TCAIM: variants seen among roughly 807,000 people sequenced by gnomAD.
TCAIM encodes T-cell activation inhibitor, mitochondrial.
Under a neutral mutation model 58.6 loss-of-function variants are expected in TCAIM, and 36 were observed. The ratio of observed to expected loss-of-function variants is 0.61; its 90% CI spans 0.47 to 0.81. The LOEUF (loss-of-function observed/expected upper bound fraction) is 0.81. Ranked by LOEUF, TCAIM falls within the 30% of genes least tolerant of loss-of-function variation. The pLI, the probability that TCAIM is intolerant of heterozygous loss-of-function variation, is 0.00. For missense variants in TCAIM, 466 were observed against 579.6 expected (o/e 0.80, Z 2.01); for synonymous variants, 172 against 193.6 (o/e 0.89, Z 0.93).
At chr3:44,383,092 A>C (rs950450768) in intron 5 of TCAIM, among the ~76,000 whole-genome samples, 1 of 152,164 alleles carries the variant, frequency 6.6e-6, no homozygotes, top group Non-Finnish European at 1.5e-5. Context: ...AAATAACAAG[A>C]GTTGATGAGG....
intron 10 of TCAIM, among the ~76,000 whole-genome samples, chr3:44,402,134 G>GT (rs1399931275): frequency 2.0e-5 from 3 of 152,172 alleles, no homozygotes; most frequent in South Asian, 2.1e-4. Context: ...GCCGTGCACA[G>GT]TGGCTCAAGC....
At chr3:44,356,667 A>C (rs2125632018) in intron 2 of TCAIM, among the ~76,000 whole-genome samples, 1 of 152,178 alleles carries the variant, frequency 6.6e-6, no homozygotes, top group Non-Finnish European at 1.5e-5. Flanking sequence ...TACAAAACTT[A>C]AGAATGAGAA....
intron 4 of TCAIM, among the ~76,000 whole-genome samples, chr3:44,366,762 G>A (rs897251835): frequency 2.0e-5 from 3 of 151,248 alleles, no homozygotes; most frequent in Admixed American, 2.0e-4. Flanking sequence ...CACCGCGCCC[G>A]GCCTAATTTT....
At chr3:44,399,506 A>C (rs1354212146) in intron 8 of TCAIM, among the ~76,000 whole-genome samples, 1 of 152,160 alleles carries the variant, frequency 6.6e-6, no homozygotes, top group Non-Finnish European at 1.5e-5. Context: ...TTAAGTCCTT[A>C]GTGGTCCTTC....
At position 44,394,419 on chromosome 3, in the gene TCAIM, G is replaced by T. The variant is rs181656953; in HGVS notation, c.695+1442G>T. ...AAAAATAGTAAGATCATTTTTAAAA[G>T]TTTATAAGATAAATTAAGGTGCATG... On this transcript the variant is annotated intron_variant, in intron 6 of 10. Coordinates refer to ENST00000342649, the MANE Select transcript of TCAIM (RefSeq NM_173826.4). Among the ~76,000 whole-genome samples, 18 of 152,062 alleles carry T rather than the reference G, an allele frequency of 1.2e-4. No individual in the cohort carries two copies. In the East Asian group the frequency reaches 3.5e-3, roughly 29 times the overall value.
chr3:44,388,288 A>C (rs1163293410), intron 5 of TCAIM, among the ~76,000 whole-genome samples: 1 of 152,198 alleles, frequency 6.6e-6, no homozygotes, highest in Non-Finnish European at 1.5e-5. Flanking sequence ...AAAATCCCAA[A>C]TCGTGAGCCA....
chr3:44,366,465 T>TG (rs1559568046), intron 4 of TCAIM, among the ~76,000 whole-genome samples: 2 of 46,198 alleles, frequency 4.3e-5, no homozygotes, highest in Admixed American at 2.8e-4. Context: ...TTTTTGTTGT[T>TG]TTTTTTTTTT....
intron 5 of TCAIM, among the ~76,000 whole-genome samples, chr3:44,381,288 G>C (rs1043641821): frequency 2.2e-4 from 33 of 152,036 alleles, no homozygotes; most frequent in African/African-American, 7.7e-4. Flanking sequence ...TATATTCCTA[G>C]AGTACAAGGA....
chr3:44,367,525 C>T lies in TCAIM; in HGVS notation c.389C>T (p.Ser130Phe), dbSNP rs1559568575. Residue 130 changes from serine (S) to phenylalanine (F), a missense_variant, in exon 5 of 11, where the codon TCC becomes TTC. Ser to Phe is a radical substitution (Grantham distance 155). Coordinates refer to ENST00000342649, the MANE Select transcript of TCAIM (RefSeq NM_173826.4). ...AGCACAGTGTTATATATTCTCAACT[C>T]CTGCAGTTTATCTGTTGAACATATC... ...LLSTVLYILN[S>F]CSLSVEHIQS... The T allele has an allele frequency of 6.2e-7, 1 of 1,614,058 alleles. No individual in the cohort carries two copies. The highest frequency in any genetic ancestry group is 8.5e-7 in the Non-Finnish European group (1 of 1,179,990).
At chr3:44,355,643 AG>A (rs1413939775) in intron 2 of TCAIM, among the ~76,000 whole-genome samples, 1 of 152,226 alleles carries the variant, frequency 6.6e-6, no homozygotes, top group African/African-American at 2.4e-5. Flanking sequence ...AACATTGTAA[AG>A]TGAGAAGACT....
chr3:44,369,942 G>A (rs566674885), intron 5 of TCAIM, among the ~76,000 whole-genome samples: 295 of 152,286 alleles, frequency 1.9e-3, no homozygotes, highest in African/African-American at 6.7e-3. Context: ...AAGTCACTTA[G>A]CAGTGAATGT....
intron 5 of TCAIM, among the ~76,000 whole-genome samples, chr3:44,372,009 A>AGAAGGAAGGAAGGAAG (rs568035350): frequency 1.4e-4 from 16 of 115,570 alleles, no homozygotes; most frequent in African/African-American, 3.5e-4. Context: ...AGAGAAAGAG[A>AGAAGGAAGGAAGGAAG]GAAGGAAGGA....
intron 5 of TCAIM, among the ~76,000 whole-genome samples, chr3:44,374,282 C>CT (rs148841054): frequency 4.1e-5 from 4 of 97,724 alleles, no homozygotes; most frequent in Non-Finnish European, 6.9e-5. Flanking sequence ...TTTTGCTTTG[C>CT]TTTCTTTTTT....
rs56361211 is a variant in TCAIM at position 44,363,920 on chromosome 3, CTTTTTTTTTTTTT to C, written c.319+2417_319+2429del. Reference sequence around the variant, plus strand: ...CAACTGGACAACACAGCAAGTCTGTCTTTTTTTTTTTTTTTTTTTTTTTTTTTCATACGGAGTC... The same window carrying C: ...CAACTGGACAACACAGCAAGTCTGTCTTTTTTTTTTTTTTCATACGGAGTC... On this transcript the variant is annotated intron_variant, in intron 4 of 10. Coordinates refer to ENST00000342649, the MANE Select transcript of TCAIM (RefSeq NM_173826.4). 1.5e-4 allele frequency among the ~76,000 whole-genome samples: 10 copies of C among 67,390 alleles called. 1 individual carries two copies. Among genetic ancestry groups the C allele is most frequent in the Admixed American group, 2.2e-4 (1 of 4,468 alleles). The allele number at this position is 67,390 out of a possible 152,430, so 44.2% of individuals were successfully genotyped here.
chr3:44,361,626 A>G (rs1356793178), intron 4 of TCAIM, 108 bp downstream of exon 4: 1 of 1,094,764 alleles, frequency 9.1e-7, no homozygotes, highest in Non-Finnish European at 1.2e-6. Flanking sequence ...TGATAGAAAA[A>G]TAATAGCATT....
intron 4 of TCAIM, chr3:44,362,323 G>T (rs1701306675): frequency 2.5e-6 from 1 of 399,364 alleles, no homozygotes; most frequent in South Asian, 1.3e-4. Flanking sequence ...TTAACTTTTG[G>T]GTGTTCATTT....
intron 2 of TCAIM, among the ~76,000 whole-genome samples, chr3:44,355,221 G>T (rs1701168834): frequency 6.8e-6 from 1 of 146,504 alleles, no homozygotes; most frequent in Admixed American, 7.0e-5. Flanking sequence ...TGGCAGGTGT[G>T]CAGTAATTGT....
At chr3:44,352,667 C>T (rs1217528302) in intron 1 of TCAIM, among the ~76,000 whole-genome samples, 1 of 152,178 alleles carries the variant, frequency 6.6e-6, no homozygotes, top group African/African-American at 2.4e-5. Context: ...TTAGGGTTCA[C>T]TTGGTGTTGT....
intron 5 of TCAIM, among the ~76,000 whole-genome samples, chr3:44,377,928 G>T (rs1701592055): frequency 6.6e-6 from 1 of 152,104 alleles, no homozygotes. Context: ...TCCAACAAAA[G>T]CAAAAATTGA....
Sources: allele counts gnomAD v4.1 joint callset (sites outside exome capture counted in the v4.1 genomes callset), GRCh38; gene constraint gnomAD v4.1.1; transcripts MANE v1.5; gene names NCBI Gene and HGNC (gene_info 2026-07-23, HGNC 2026-07-21).